The following NXN variants were observed in gnomAD, a reference collection of about 807,000 sequenced individuals.
NXN encodes nucleoredoxin.
NXN carries 16 observed loss-of-function variants against 48.6 expected under a neutral mutation model. That is an observed-to-expected ratio of 0.33 (90% CI 0.22 to 0.50). NXN has a LOEUF of 0.50. NXN is among the 20% of genes least tolerant of loss of function. NXN has a pLI of 0.98. For synonymous variants in NXN, 281 were observed against 269.6 expected, an observed-to-expected ratio of 1.04 and a Z score of -0.41; for missense variants, 492 against 605.5, an observed-to-expected ratio of 0.81 and a Z score of 1.97.
At chr17:936,712 T>C (rs62067225) in intron 1 of NXN, among the ~76,000 whole-genome samples, 2,752 of 149,794 alleles carry the variant, frequency 0.018, 43 homozygotes, top group Non-Finnish European at 0.026. Context: ...CGGTACCAGT[T>C]TTCAGAATCC....
intron 7 of NXN, among the ~76,000 whole-genome samples, chr17:801,724 G>A (rs1006834167): frequency 6.6e-6 from 1 of 152,150 alleles, no homozygotes; most frequent in African/African-American, 2.4e-5. Context: ...GATTACAGGC[G>A]TCAGCCACCG....
chr17:967,142 G>A (rs1386264614), intron 1 of NXN, among the ~76,000 whole-genome samples: 1 of 147,074 alleles, frequency 6.8e-6, no homozygotes, highest in African/African-American at 2.7e-5. Context: ...CAGTCCACCT[G>A]GCTTGGGACC....
chr17:847,666 C>T (rs549638374), intron 1 of NXN, among the ~76,000 whole-genome samples: 49 of 152,164 alleles, frequency 3.2e-4, no homozygotes, highest in Middle Eastern at 6.8e-3. Context: ...TATATAGAAA[C>T]GGACTGTGGC....
At chr17:882,001 T>C (rs1329576652) in intron 1 of NXN, among the ~76,000 whole-genome samples, 3 of 151,152 alleles carry the variant, frequency 2.0e-5, no homozygotes, top group African/African-American at 7.4e-5. Context: ...GAAATGTTCT[T>C]GGTCTTGTTT....
intron 1 of NXN, among the ~76,000 whole-genome samples, chr17:972,734 T>C (rs1343458753): frequency 6.6e-6 from 1 of 151,770 alleles, no homozygotes; most frequent in African/African-American, 2.4e-5. Context: ...AGGAATATTT[T>C]AAAACGTAGA....
At position 938,097 on chromosome 17, in the gene NXN, G is replaced by A. The variant is rs376247145; in HGVS notation, c.360+41222C>T. Among the ~76,000 whole-genome samples the A allele has an allele frequency of 5.3e-5, 8 of 152,362 alleles. No individual in the cohort carries two copies. The East Asian group carries it at 9.6e-4, about 18-fold the overall frequency. ...GGCCAACCTTGCAATGGCCTTCTGC[G>A]TAGCAGCAAATACACAGAGGTTAAG... is the stretch of plus-strand genomic sequence containing the variant. On this transcript the variant is annotated intron_variant, in intron 1 of 7. Transcript: ENST00000336868.
At chr17:870,180 C>G (rs1172990839) in intron 1 of NXN, among the ~76,000 whole-genome samples, 1 of 152,170 alleles carries the variant, frequency 6.6e-6, no homozygotes, top group Non-Finnish European at 1.5e-5. Flanking sequence ...CACACCAAGC[C>G]TCTCCTGGGA....
In NXN at chr17:904,309, TCCATCC is replaced by T. The variant is rs201199510; in HGVS notation, c.360+75004_360+75009del. ...CCCGGACGTCGGACGCCGTCCGGCTTCCATCCGACAGACTGGCCCCAGTTTTATGGT... is the reference window on the plus strand; with the variant it reads ...CCCGGACGTCGGACGCCGTCCGGCTTGACAGACTGGCCCCAGTTTTATGGT... On this transcript the variant is annotated intron_variant, in intron 1 of 7. Transcript: ENST00000336868. Among the ~76,000 whole-genome samples the T allele has an allele frequency of 9.2e-3, 1,395 of 152,244 alleles. 18 individuals carry two copies. The highest frequency in any genetic ancestry group is 0.032 in the African/African-American group (1,330 of 41,542).
At chr17:954,562 CTGCTCAGGTTCCAG>C (rs1287990494) in intron 1 of NXN, among the ~76,000 whole-genome samples, 1 of 152,256 alleles carries the variant, frequency 6.6e-6, no homozygotes, top group Non-Finnish European at 1.5e-5. Context: ...TTCGACCTCC[CTGCTCAGGTTCCAG>C]TGACTTCCTC....
At chr17:869,365 T>A (rs555058791) in intron 1 of NXN, among the ~76,000 whole-genome samples, 126 of 152,166 alleles carry the variant, frequency 8.3e-4, no homozygotes, top group Admixed American at 2.1e-3. Context: ...TGCTCTCTGA[T>A]CCAGGAGCCC....
chr17:969,549 C>A (rs1203135836), intron 1 of NXN, among the ~76,000 whole-genome samples: 7 of 152,238 alleles, frequency 4.6e-5, no homozygotes, highest in Admixed American at 4.6e-4. Context: ...GGCGGTCACA[C>A]TGCGATTTTT....
At chr17:962,390 G>A (rs966020465) in intron 1 of NXN, among the ~76,000 whole-genome samples, 27 of 152,012 alleles carry the variant, frequency 1.8e-4, no homozygotes, top group African/African-American at 6.3e-4. Context: ...ATTCCCAGCC[G>A]GGCACGGTGA....
intron 5 of NXN, among the ~76,000 whole-genome samples, chr17:811,920 CTTTTTTTTTT>C (rs34383551): frequency 5.5e-5 from 4 of 73,174 alleles, no homozygotes; most frequent in African/African-American, 2.6e-4. Flanking sequence ...CCCAGTTCTG[CTTTTTTTTTT>C]TTTTTTTTTT....
intron 1 of NXN, among the ~76,000 whole-genome samples, chr17:943,904 A>T (rs966401856): frequency 6.6e-6 from 1 of 152,014 alleles, no homozygotes; most frequent in Non-Finnish European, 1.5e-5. Context: ...AATGTTTTTT[A>T]AAAGTTGTTT....
chr17:812,930 G>T (rs1025360661), intron 5 of NXN, among the ~76,000 whole-genome samples: 5 of 151,660 alleles, frequency 3.3e-5, no homozygotes, highest in African/African-American at 1.2e-4. Flanking sequence ...GTGTGCGTGT[G>T]TGAGTGTGCA....
rs1160250197 is a variant in NXN, at chr17:830,638, T to G, written c.361-4560A>C. ...ATCATAAGATTTGTGAACCACATCGTCAAGGCCCCGTGGACGACAGCAAAA... is the reference window on the plus strand; with the variant it reads ...ATCATAAGATTTGTGAACCACATCGGCAAGGCCCCGTGGACGACAGCAAAA... On this transcript the variant is annotated intron_variant, in intron 1 of 7. Coordinates refer to ENST00000336868, the MANE Select transcript of NXN (RefSeq NM_022463.5). The surrounding 1 kb of genome is among the most constrained non-coding windows in gnomAD (Gnocchi z 4.2). Among the ~76,000 whole-genome samples the G allele has an allele frequency of 6.6e-6, 1 of 152,136 alleles. No individual in the cohort carries two copies. Among genetic ancestry groups the G allele is most frequent in the South Asian group, 2.1e-4 (1 of 4,826 alleles).
Position 823,597 on chromosome 17 carries a change from C to T in NXN, c.612+35G>A, listed in dbSNP as rs769722583. On this transcript the variant is annotated intron_variant, in intron 3 of 7. Coordinates refer to ENST00000336868, the MANE Select transcript of NXN (RefSeq NM_022463.5). ...GGCCTGCTGGGAACATCACTGCTTC[C>T]TTCTGTCTGAGCCAAAGGGGGTCCA... 4 of 1,612,774 alleles carry T rather than the reference C, an allele frequency of 2.5e-6. No individual in the cohort carries two copies. The East Asian group carries it at 8.9e-5, about 36-fold the overall frequency.
chr17:835,286 A>C (rs1433819913), intron 1 of NXN, among the ~76,000 whole-genome samples: 30 of 150,720 alleles, frequency 2.0e-4, no homozygotes, highest in East Asian at 8.0e-4. Flanking sequence ...CCAGCCTGGA[A>C]GACAGACCGA....
At position 853,340 on chromosome 17, in the gene NXN, C is replaced by T. The variant is rs557485481; in HGVS notation, c.361-27262G>A. Among the ~76,000 whole-genome samples, 10 of 151,684 alleles carry T rather than the reference C, an allele frequency of 6.6e-5. No homozygotes were observed. The South Asian group carries it at 1.0e-3, about 16-fold the overall frequency. On this transcript the variant is annotated intron_variant, in intron 1 of 7. Coordinates refer to ENST00000336868, the MANE Select transcript of NXN (RefSeq NM_022463.5). ...ACGCACGCCTGTAGTCCCAGCTACT[C>T]GGGAGGTGGAGGCAGGAGAATCGCT...
Sources: allele counts gnomAD v4.1 joint callset (sites outside exome capture counted in the v4.1 genomes callset), GRCh38; gene constraint gnomAD v4.1.1; non-coding constraint Gnocchi (gnomAD v3.1); transcripts MANE v1.5; gene names NCBI Gene and HGNC (gene_info 2026-07-23, HGNC 2026-07-21).